The following MAP4 variants were observed in gnomAD, a reference collection of about 807,000 sequenced individuals.
The protein encoded by MAP4 is microtubule-associated protein 4.
MAP4 carries 76 observed loss-of-function variants against 170.2 expected under a neutral mutation model. The observed-to-expected ratio is 0.45, with a 90% CI of 0.37 to 0.54. The LOEUF (loss-of-function observed/expected upper bound fraction) is 0.54, where lower values mean the gene tolerates loss of function less well. MAP4 is among the 20% of genes least tolerant of loss of function. The pLI, the probability that MAP4 is intolerant of heterozygous loss-of-function variation, is 0.00. For missense variants in MAP4, 2,506 were observed against 2,748.0 expected, an observed-to-expected ratio of 0.91 and a Z score of 1.97; for synonymous variants, 909 against 994.5, an observed-to-expected ratio of 0.91 and a Z score of 1.62.
intron 1 of MAP4, 68 bp from the exon 2 acceptor site, chr3:47,998,947 T>C: frequency 3.4e-6 from 3 of 878,958 alleles, no homozygotes; most frequent in East Asian, 2.4e-5. Flanking sequence ...CTAGAAACTC[T>C]TGTCAATTGT....
intron 3 of MAP4, 36 bp from the exon 4 acceptor site, chr3:47,928,386 A>G (rs2100047390): frequency 6.2e-7 from 1 of 1,609,992 alleles, no homozygotes; most frequent in South Asian, 1.1e-5. Flanking sequence ...GTTACAAGAT[A>G]TTACAGTTTT....
rs757362354 is a variant in MAP4 at position 47,921,746 on chromosome 3, C to T, written c.529+19G>A. ...TTTTTTCCTTCCCTACAGAATAAAT[C>T]CATTTGAAGAAGCCATACCGTAACT... On this transcript the variant is annotated intron_variant, in intron 5 of 20. Transcript: ENST00000683076. 24 of 1,448,986 alleles carry T rather than the reference C, an allele frequency of 1.7e-5. 1 individual carries two copies. In the East Asian group the frequency reaches 2.5e-4, roughly 15 times the overall value. 89.8% of individuals were successfully genotyped at this position (1,448,986 alleles called of 1,614,324 possible). A position where few individuals can be genotyped will look rare whatever the true frequency, so the allele number is the denominator to read the frequency against.
At chr3:47,970,291 G>A (rs1412175530) in intron 3 of MAP4, among the ~76,000 whole-genome samples, 1 of 151,998 alleles carries the variant, frequency 6.6e-6, no homozygotes, top group Non-Finnish European at 1.5e-5. Context: ...TTCGAGACCA[G>A]CCTGACCAAC....
intron 3 of MAP4, among the ~76,000 whole-genome samples, chr3:47,951,940 G>C: frequency 6.6e-6 from 1 of 151,772 alleles, no homozygotes; most frequent in South Asian, 2.1e-4. Context: ...CAACTAGGAA[G>C]TGTGGAGCGT....
upstream of MAP4, among the ~76,000 whole-genome samples, chr3:48,019,265 C>T (rs560189864): frequency 6.6e-6 from 1 of 151,966 alleles, no homozygotes; most frequent in East Asian, 1.9e-4. Context: ...TTCCTTGAGC[C>T]CAGGAGCTTG....
intron 10 of MAP4, among the ~76,000 whole-genome samples, chr3:47,883,208 T>A (rs939243720): frequency 6.6e-5 from 10 of 152,128 alleles, no homozygotes; most frequent in Non-Finnish European, 1.0e-4. Context: ...CTTTAAAAAA[T>A]TCATGAGGAG....
chr3:48,009,956 G>T (rs951587628), intron 1 of MAP4, among the ~76,000 whole-genome samples: 1 of 152,186 alleles, frequency 6.6e-6, no homozygotes, highest in Non-Finnish European at 1.5e-5. Flanking sequence ...CTCAGAGGGG[G>T]AGTTACAGTG....
intron 1 of MAP4, chr3:48,039,383 C>A: frequency 6.5e-6 from 1 of 153,986 alleles, no homozygotes; most frequent in South Asian, 1.9e-4. Flanking sequence ...GCTATAAAAT[C>A]ACCATGGTCG....
chr3:48,055,664 C>T (rs2154552799), intron 1 of MAP4, among the ~76,000 whole-genome samples: 1 of 89,132 alleles, frequency 1.1e-5, no homozygotes, highest in Non-Finnish European at 2.3e-5. Flanking sequence ...CCTGGCCGCC[C>T]ATCGTCTGGG....
At chr3:47,933,100 CAAA>C (rs2100050808) in intron 3 of MAP4, among the ~76,000 whole-genome samples, 2 of 151,762 alleles carry the variant, frequency 1.3e-5, no homozygotes, top group Non-Finnish European at 2.9e-5. Flanking sequence ...AGAAGAATCT[CAAA>C]AGCATTATGC....
intron 10 of MAP4, among the ~76,000 whole-genome samples, chr3:47,897,602 G>A (rs2153224681): frequency 6.6e-6 from 1 of 152,242 alleles, no homozygotes; most frequent in East Asian, 1.9e-4. Flanking sequence ...GAGAAAAAGA[G>A]GCAATGCACT....
chr3:47,941,552 C>A (rs968619887), intron 3 of MAP4, among the ~76,000 whole-genome samples: 8 of 149,764 alleles, frequency 5.3e-5, no homozygotes, highest in South Asian at 2.1e-4. Flanking sequence ...CCGAGGTGGG[C>A]GGATCAAGAG....
intron 13 of MAP4, 129 bp downstream of exon 13, chr3:47,871,788 C>T (rs2092877271): frequency 1.2e-6 from 1 of 816,658 alleles, no homozygotes; most frequent in South Asian, 1.9e-5. Context: ...TCCAGGTAGT[C>T]CACTAAGGAC....
At chr3:48,015,863 C>T (rs2100107517) in intron 1 of MAP4, among the ~76,000 whole-genome samples, 1 of 152,218 alleles carries the variant, frequency 6.6e-6, no homozygotes, top group Non-Finnish European at 1.5e-5. Context: ...GCTTCTCCTC[C>T]AAACCAGACT....
chr3:47,860,255 G>A (rs551525257), intron 17 of MAP4, among the ~76,000 whole-genome samples: 17 of 152,356 alleles, frequency 1.1e-4, no homozygotes, highest in Admixed American at 2.6e-4. Context: ...TGCCACCCAG[G>A]ATGAAGTGCA....
intron 4 of MAP4, 73 bp from the exon 5 acceptor site, chr3:47,921,951 TTC>T: frequency 2.6e-6 from 2 of 775,320 alleles, no homozygotes; most frequent in Non-Finnish European, 2.2e-6. Flanking sequence ...CTTTCTTTCT[TTC>T]TTTTTTTTTT....
intron 19 of MAP4, among the ~76,000 whole-genome samples, chr3:47,854,813 C>T (rs980609904): frequency 4.0e-5 from 6 of 150,472 alleles, no homozygotes; most frequent in Non-Finnish European, 8.8e-5. Context: ...CTGTCGCTGG[C>T]AGCTAAGAAT....
In MAP4 at chr3:47,871,096, C is replaced by T. The variant is rs747029067; in HGVS notation, c.6011G>A (p.Ser2004Asn). Reference protein sequence around the residue: ...MTAKSVPADLSRPKSTSTSSM... With the variant: ...MTAKSVPADLNRPKSTSTSSM... ...ACTGGTGGAGGTGCTCTTTGGGCGA[C>T]TCAAGTCAGCTGCAAAGAAGGGAGT... Residue 2004 changes from serine to asparagine, a missense_variant, in exon 15 of 21, where the codon AGT becomes AAT. Around this residue, in one of 3 missense-constraint regions of MAP4, gnomAD observed 487 missense variants for 511.6 expected, o/e 0.95. Coordinates refer to ENST00000683076, the MANE Select transcript of MAP4 (RefSeq NM_001385682.1). 2.5e-6 allele frequency: 4 copies of T among 1,605,928 alleles called. No homozygotes were observed. Among genetic ancestry groups the T allele is most frequent in the Non-Finnish European group, 1.7e-6 (2 of 1,173,972 alleles).
chr3:47,950,505 G>C (rs2100063010), intron 3 of MAP4, among the ~76,000 whole-genome samples: 1 of 152,028 alleles, frequency 6.6e-6, no homozygotes, highest in African/African-American at 2.4e-5. Context: ...TGTAGGAGTA[G>C]ATCATATAGC....
Sources: allele counts gnomAD v4.1 joint callset (sites outside exome capture counted in the v4.1 genomes callset), GRCh38; gene constraint gnomAD v4.1.1; regional missense constraint gnomAD v4.1.1; transcripts MANE v1.5; gene names NCBI Gene and HGNC (gene_info 2026-07-23, HGNC 2026-07-21).